The following FANCB variants were observed in gnomAD, a reference collection of about 807,000 sequenced individuals.
The protein encoded by FANCB is FA complementation group B, also known as Fanconi anemia group B protein.
Under a neutral mutation model 38.9 loss-of-function variants are expected in FANCB, and 5 were observed. That is an observed-to-expected ratio of 0.13 (90% CI 0.07 to 0.27). FANCB has a LOEUF of 0.27. Ranked by LOEUF, FANCB falls within the 10% of genes least tolerant of loss-of-function variation. The pLI is 1.00. For missense variants in FANCB, 573 were observed against 602.7 expected, an observed-to-expected ratio of 0.95 and a Z score of 0.52; for synonymous variants, 236 against 215.4, an observed-to-expected ratio of 1.10 and a Z score of -0.84.
At chrX:14,759,800 T>C in the FANCB span, among the ~76,000 whole-genome samples, 2 of 95,289 alleles carry the variant, frequency 2.1e-5, no homozygotes, top group African/African-American at 8.6e-5. Flanking sequence ...AAAAACACAA[T>C]GGAAAAAAAA....
At chrX:14,731,003 G>A in the FANCB span, 3 of 110,739 alleles carry the variant, frequency 2.7e-5, no homozygotes, top group Non-Finnish European at 3.7e-5. Flanking sequence ...ATAGTGAGTC[G>A]AGGACCAAAC....
the FANCB span, among the ~76,000 whole-genome samples, chrX:14,829,545 A>G: frequency 9.0e-6 from 1 of 111,256 alleles, no homozygotes; most frequent in Admixed American, 9.6e-5. Context: ...GGCTACCTTT[A>G]TTTGTGACCT....
chrX:14,717,030 CA>C, the FANCB span, among the ~76,000 whole-genome samples: 2 of 110,768 alleles, frequency 1.8e-5, no homozygotes, highest in African/African-American at 6.6e-5. Flanking sequence ...ATGCCCCCTT[CA>C]AAAAAAGCAA....
chrX:14,726,640 C>T, the FANCB span, among the ~76,000 whole-genome samples: 1 of 112,420 alleles, frequency 8.9e-6, no homozygotes, highest in East Asian at 2.8e-4. Context: ...GTTTGCATGA[C>T]GATGTACAAT....
chrX:14,833,987 C>A (rs1475613970), downstream of FANCB, among the ~76,000 whole-genome samples: 1 of 108,061 alleles, frequency 9.3e-6, no homozygotes, highest in Non-Finnish European at 1.9e-5. Flanking sequence ...AGAGTGAGAC[C>A]CTGTCTCAAA....
chrX:14,842,274 T>C (rs1036724459), downstream of FANCB, among the ~76,000 whole-genome samples: 7 of 111,854 alleles, frequency 6.3e-5, no homozygotes, highest in Non-Finnish European at 1.1e-4. Context: ...TGGACCATCA[T>C]AAAAACCAAG....
At chrX:14,834,919 G>A (rs764526425), downstream of FANCB, 8 of 827,377 alleles carry the variant, frequency 9.7e-6, no homozygotes, top group Non-Finnish European at 1.4e-5. Context: ...ATACTTAAGA[G>A]TTTCACATTC....
intron 5 of FANCB, among the ~76,000 whole-genome samples, chrX:14,856,218 T>C (rs1368473173): frequency 8.9e-6 from 1 of 111,902 alleles, no homozygotes; most frequent in Non-Finnish European, 1.9e-5. Context: ...AAATACTACA[T>C]AAACATTCTT....
chrX:14,829,943 T>C, the FANCB span, among the ~76,000 whole-genome samples: 1 of 112,492 alleles, frequency 8.9e-6, no homozygotes, highest in Non-Finnish European at 1.9e-5. Flanking sequence ...TTAGCTTATC[T>C]TGGCTTCCAA....
chrX:14,813,897 G>C, the FANCB span, among the ~76,000 whole-genome samples: 2 of 111,520 alleles, frequency 1.8e-5, no homozygotes, highest in Non-Finnish European at 3.8e-5. Flanking sequence ...AACAAAGCTG[G>C]AGGCATCATG....
At chrX:14,869,949 A>G (rs780223877) in intron 1 of FANCB, among the ~76,000 whole-genome samples, 3 of 112,269 alleles carry the variant, frequency 2.7e-5, no homozygotes, top group Non-Finnish European at 5.6e-5. Flanking sequence ...AGTTTTTGCA[A>G]GACTTATTGA....
chrX:14,812,752 A>T, the FANCB span, among the ~76,000 whole-genome samples: 1 of 110,733 alleles, frequency 9.0e-6, no homozygotes, highest in Non-Finnish European at 1.9e-5. Flanking sequence ...AGGAACTGGT[A>T]CCATTCCTTC....
intron 7 of FANCB, among the ~76,000 whole-genome samples, chrX:14,847,651 G>GAAA (rs755588273): frequency 1.1e-5 from 1 of 90,479 alleles, no homozygotes; most frequent in African/African-American, 4.0e-5. Flanking sequence ...TCTAAAGGAG[G>GAAA]AAAAAAAAAA....
intron 3 of FANCB, among the ~76,000 whole-genome samples, chrX:14,864,000 T>A (rs192973519): frequency 5.4e-5 from 6 of 110,828 alleles, no homozygotes; most frequent in African/African-American, 1.3e-4. Context: ...CCAGGTGTGG[T>A]AGCACATGCC....
chrX:14,693,537 T>G, the FANCB span, among the ~76,000 whole-genome samples: 1 of 111,819 alleles, frequency 8.9e-6, no homozygotes, highest in Non-Finnish European at 1.9e-5. Context: ...AATTGTAATA[T>G]ACCTCTCAGC....
chrX:14,727,395 T>C, the FANCB span, among the ~76,000 whole-genome samples: 1 of 111,803 alleles, frequency 8.9e-6, no homozygotes, highest in Non-Finnish European at 1.9e-5. Flanking sequence ...AGAACAGAAA[T>C]ATCCAAATTC....
At chrX:14,793,299 A>G in the FANCB span, among the ~76,000 whole-genome samples, 1 of 112,407 alleles carries the variant, frequency 8.9e-6, no homozygotes, top group Non-Finnish European at 1.9e-5. Context: ...AAAGAAGCCA[A>G]TTATAAAAGA....
downstream of FANCB, among the ~76,000 whole-genome samples, chrX:14,840,591 G>A (rs2092352460): frequency 8.9e-6 from 1 of 112,197 alleles, no homozygotes; most frequent in Admixed American, 9.4e-5. Flanking sequence ...TGTGGAAAAG[G>A]TAATCAATAG....
At chrX:14,744,450 C>T in the FANCB span, among the ~76,000 whole-genome samples, 1 of 112,176 alleles carries the variant, frequency 8.9e-6, no homozygotes, top group South Asian at 3.7e-4. Flanking sequence ...CCAGAAAGCA[C>T]TAAAACAGCC....
Sources: gnomAD v4.1 joint callset for allele counts (sites outside exome capture counted in the v4.1 genomes callset) on GRCh38, gnomAD v4.1.1 for gene constraint, MANE v1.5 for transcripts, NCBI Gene and HGNC (gene_info 2026-07-23, HGNC 2026-07-21) for gene names.